Variants in PYGO1 observed in about 807,000 individuals in gnomAD.
PYGO1 encodes pygopus family PHD finger 1, also known as pygopus homolog 1.
In PYGO1, 6 loss-of-function variants were observed where a neutral mutation model predicts 29.5. That is an observed-to-expected ratio of 0.20 (90% CI 0.11 to 0.40). The LOEUF is 0.40. Among genes scored for constraint, PYGO1 ranks in the 10% least tolerant of loss-of-function variants. The probability of loss-of-function intolerance (pLI) is 1.00; values close to 1 mark genes in which losing one functional copy is unlikely to be tolerated. For synonymous variants in PYGO1, 186 were observed against 180.5 expected (o/e 1.03, Z -0.24); for missense variants, 515 against 514.9 (o/e 1.00, Z 0.00).
At chr15:55,587,777 G>A (rs1238999888) in intron 1 of PYGO1, 58 bp downstream of exon 1, 3 of 1,451,966 alleles carry the variant, frequency 2.1e-6, no homozygotes, top group East Asian at 3.0e-5. Flanking sequence ...GGCCGGGCAC[G>A]GGGCCCCGCG....
chr15:55,582,609 T>A (rs1406732247), intron 1 of PYGO1, among the ~76,000 whole-genome samples: 1 of 152,168 alleles, frequency 6.6e-6, no homozygotes, highest in Non-Finnish European at 1.5e-5. Flanking sequence ...CCCAAGGCAT[T>A]AATTAGTATT....
chr15:55,568,793 T>C (rs796688549), intron 1 of PYGO1, among the ~76,000 whole-genome samples: 2 of 152,156 alleles, frequency 1.3e-5, no homozygotes, highest in Non-Finnish European at 2.9e-5. Context: ...AGGGTTTTTA[T>C]CGTGATAGGA....
At chr15:55,558,751 T>G (rs1405419436) in intron 1 of PYGO1, among the ~76,000 whole-genome samples, 1 of 151,992 alleles carries the variant, frequency 6.6e-6, no homozygotes, top group East Asian at 1.9e-4. Flanking sequence ...CCCTATTTAA[T>G]AAATGGTGCT....
At position 55,556,405 on chromosome 15, in the gene PYGO1, G is replaced by C. The variant is rs2058905178; in HGVS notation, c.50-7410C>G. ...CAACCTGCTCCTGAATGACTCCCGG[G>C]TAAATACTGAAATTAACACAGAAAT... On this transcript the variant is annotated intron_variant, in intron 1 of 2. Coordinates refer to ENST00000563719, the MANE Select transcript of PYGO1 (RefSeq NM_001367806.1). Among the ~76,000 whole-genome samples, 6 of 152,202 alleles carry C rather than the reference G, an allele frequency of 3.9e-5. 1 individual carries two copies. In the South Asian group the frequency reaches 1.2e-3, roughly 32 times the overall value.
intron 1 of PYGO1, among the ~76,000 whole-genome samples, chr15:55,560,866 G>A (rs1211045565): frequency 6.6e-6 from 1 of 152,118 alleles, no homozygotes; most frequent in Non-Finnish European, 1.5e-5. Flanking sequence ...GGAGGCTGAG[G>A]CAGCAGAATT....
chr15:55,562,129 AC>A (rs1364353969), intron 1 of PYGO1, among the ~76,000 whole-genome samples: 2 of 152,214 alleles, frequency 1.3e-5, no homozygotes, highest in Non-Finnish European at 2.9e-5. Flanking sequence ...GCAAATCAAA[AC>A]CACAACGAGA....
chr15:55,573,938 T>C (rs1275940330), intron 1 of PYGO1, among the ~76,000 whole-genome samples: 5 of 152,234 alleles, frequency 3.3e-5, no homozygotes, highest in Admixed American at 3.3e-4. Flanking sequence ...CATTGTCTAT[T>C]TACAAGATGA....
At chr15:55,583,044 T>C (rs1039645188) in intron 1 of PYGO1, among the ~76,000 whole-genome samples, 1 of 152,310 alleles carries the variant, frequency 6.6e-6, no homozygotes, top group South Asian at 2.1e-4. Flanking sequence ...TTAAAAGCAC[T>C]GAAATAAATG....
chr15:55,568,008 G>A (rs753155301), intron 1 of PYGO1, among the ~76,000 whole-genome samples: 2 of 152,142 alleles, frequency 1.3e-5, no homozygotes, highest in Non-Finnish European at 2.9e-5. Context: ...GTAAAGTAAT[G>A]TGATGCCTCC....
At chr15:55,554,766 G>T (rs748661961) in intron 1 of PYGO1, among the ~76,000 whole-genome samples, 1 of 152,054 alleles carries the variant, frequency 6.6e-6, no homozygotes, top group Non-Finnish European at 1.5e-5. Flanking sequence ...GCAAAGGAAA[G>T]AATCTCAGAG....
chr15:55,555,537 G>C, intron 1 of PYGO1, among the ~76,000 whole-genome samples: 1 of 94,628 alleles, frequency 1.1e-5, no homozygotes, highest in Non-Finnish European at 1.9e-5. Context: ...GTGGGGGGAG[G>C]GGGGAGGGAT....
intron 1 of PYGO1, among the ~76,000 whole-genome samples, chr15:55,555,680 A>T (rs2058901337): frequency 6.6e-6 from 1 of 152,060 alleles, no homozygotes. Flanking sequence ...TAATAATAAA[A>T]TTTTTTAAAA....
Position 55,543,396 on chromosome 15 carries a change from T to TATGATTAC in PYGO1, c.*2619_*2626dup, listed in dbSNP as rs2141639781. On this transcript the variant is annotated 3_prime_UTR_variant, in exon 3 of 3. Coordinates refer to ENST00000563719, the MANE Select transcript of PYGO1 (RefSeq NM_001367806.1). ...AAACACATGAACGCTATTCATCAGC[T>TATGATTAC]ATGATTACAGTTTGGCTATGATTCA... 6.6e-6 allele frequency: 1 copy of TATGATTAC among 152,332 alleles called. No homozygotes were observed. The highest frequency in any genetic ancestry group is 2.1e-4 in the South Asian group (1 of 4,828). 9.4% of individuals were successfully genotyped at this position (152,332 alleles called of 1,614,324 possible).
upstream of PYGO1, chr15:55,588,907 G>GTT: frequency 2.6e-6 from 4 of 1,515,936 alleles, no homozygotes; most frequent in Non-Finnish European, 3.6e-6. Flanking sequence ...GTGGACACCT[G>GTT]TCTGTAGAAT....
intron 1 of PYGO1, among the ~76,000 whole-genome samples, chr15:55,565,269 G>T (rs930164914): frequency 2.6e-5 from 4 of 151,894 alleles, no homozygotes; most frequent in Non-Finnish European, 4.4e-5. Flanking sequence ...TTAGAATTCT[G>T]CCCCTACATA....
At chr15:55,556,929 T>A (rs1189319010) in intron 1 of PYGO1, among the ~76,000 whole-genome samples, 1 of 151,644 alleles carries the variant, frequency 6.6e-6, no homozygotes, top group African/African-American at 2.4e-5. Context: ...ACATACATCC[T>A]CCCAAGACTG....
intron 1 of PYGO1, among the ~76,000 whole-genome samples, chr15:55,562,010 C>T (rs1015224692): frequency 3.3e-5 from 5 of 152,056 alleles, no homozygotes; most frequent in African/African-American, 1.2e-4. Flanking sequence ...AACCAACCAA[C>T]CCCATTAAAA....
intron 1 of PYGO1, among the ~76,000 whole-genome samples, chr15:55,550,496 C>G (rs1021021536): frequency 7.9e-5 from 12 of 152,132 alleles, no homozygotes; most frequent in Non-Finnish European, 1.8e-4. Context: ...CATGTTTTCT[C>G]AGAGGTTATT....
intron 1 of PYGO1, among the ~76,000 whole-genome samples, chr15:55,568,677 G>C (rs1595989699): frequency 6.6e-6 from 1 of 152,192 alleles, no homozygotes; most frequent in East Asian, 1.9e-4. Flanking sequence ...CCAGTTCTCA[G>C]GGTACTGCAT....
Sources: gnomAD v4.1 joint callset for allele counts (sites outside exome capture counted in the v4.1 genomes callset) on GRCh38, gnomAD v4.1.1 for gene constraint, MANE v1.5 for transcripts, NCBI Gene and HGNC (gene_info 2026-07-23, HGNC 2026-07-21) for gene names.